The following RSL1D1 variants were observed in gnomAD, a reference collection of about 807,000 sequenced individuals.
RSL1D1 encodes ribosomal L1 domain-containing protein 1.
A neutral mutation model predicts 44.6 loss-of-function variants in RSL1D1; 34 were observed. That is an observed-to-expected ratio of 0.76 (90% CI 0.58 to 1.02). RSL1D1 has a LOEUF of 1.02. Ranked by LOEUF, RSL1D1 falls within the 50% of genes least tolerant of loss-of-function variation. The pLI is 0.00. For synonymous variants in RSL1D1, 271 were observed against 207.4 expected (o/e 1.31, Z -2.63); for missense variants, 767 against 568.1 (o/e 1.35, Z -3.56).
At chr16:11,842,090 C>T (rs2053767751) in intron 5 of RSL1D1, 90 bp from the exon 6 acceptor site, 7 of 919,500 alleles carry the variant, frequency 7.6e-6, no homozygotes, top group Non-Finnish European at 1.1e-5. Context: ...AATACATAAT[C>T]CTCAAGTTTT....
At chr16:11,845,527 T>C (rs1403194186) in intron 5 of RSL1D1, among the ~76,000 whole-genome samples, 1 of 152,182 alleles carries the variant, frequency 6.6e-6, no homozygotes, top group African/African-American at 2.4e-5. Context: ...CCCCGTCCAA[T>C]GCAGTGACCA....
chr16:11,844,460 C>T (rs779389895), intron 5 of RSL1D1, among the ~76,000 whole-genome samples: 1 of 152,184 alleles, frequency 6.6e-6, no homozygotes, highest in Non-Finnish European at 1.5e-5. Context: ...CCATGAGCCA[C>T]TACTTTGACA....
chr16:11,839,576 C>A, intron 8 of RSL1D1, 119 bp downstream of exon 8: 3 of 1,302,696 alleles, frequency 2.3e-6, no homozygotes, highest in Non-Finnish European at 3.1e-6. Context: ...TGATAACCAC[C>A]TTCACAGTTC....
intron 2 of RSL1D1, 148 bp downstream of exon 2, chr16:11,850,131 T>C (rs1049785181): frequency 7.8e-5 from 59 of 756,540 alleles, no homozygotes; most frequent in Non-Finnish European, 1.1e-4. Flanking sequence ...CAAGCCTCTA[T>C]GGTTCTTTTG....
chr16:11,839,195 G>A (rs1377483600), intron 8 of RSL1D1, among the ~76,000 whole-genome samples: 2 of 151,714 alleles, frequency 1.3e-5, no homozygotes, highest in African/African-American at 4.8e-5. Flanking sequence ...GCAAAACCCC[G>A]TCTCTACCAA....
intron 1 of RSL1D1, chr16:11,851,115 C>A: frequency 8.5e-6 from 4 of 468,308 alleles, no homozygotes; most frequent in Non-Finnish European, 1.6e-5. Flanking sequence ...CAAAACTAAG[C>A]GATTCGGTCA....
intron 2 of RSL1D1, among the ~76,000 whole-genome samples, chr16:11,849,583 G>C (rs575296818): frequency 6.6e-6 from 1 of 152,212 alleles, no homozygotes; most frequent in South Asian, 2.1e-4. Context: ...TCCATAGACA[G>C]AAATTCACTG....
intron 5 of RSL1D1, among the ~76,000 whole-genome samples, chr16:11,842,333 AAAAAAAACAAAAC>A (rs202143902): frequency 0.011 from 1,701 of 152,234 alleles, 34 homozygotes; most frequent in African/African-American, 0.038. Context: ...ACAGTCTGAA[AAAAAAAACAAAAC>A]AAAAAAACAA....
chr16:11,838,383 G>A (rs1158460503), intron 8 of RSL1D1, among the ~76,000 whole-genome samples: 4 of 151,644 alleles, frequency 2.6e-5, no homozygotes, highest in South Asian at 2.1e-4. Context: ...GGCTGGTCTC[G>A]AACTCCTGAC....
At chr16:11,850,757 G>A (rs919636432) in intron 1 of RSL1D1, among the ~76,000 whole-genome samples, 2 of 152,184 alleles carry the variant, frequency 1.3e-5, no homozygotes, top group East Asian at 3.9e-4. Flanking sequence ...AAAACGCAAA[G>A]CAAAATGCAT....
At chr16:11,839,645 C>A in intron 8 of RSL1D1, 50 bp downstream of exon 8, 1 of 1,597,680 alleles carries the variant, frequency 6.3e-7, no homozygotes, top group Non-Finnish European at 8.5e-7. Context: ...CTGCCTGACA[C>A]AGTAGCCACT....
In RSL1D1 at chr16:11,837,847, T is replaced by C. The variant is rs1388300184; in HGVS notation, c.1413A>G (p.Arg471=). The C allele has an allele frequency of 1.9e-6, 3 of 1,613,626 alleles. No homozygotes were observed. In the African/African-American group the frequency reaches 4.0e-5, roughly 22 times the overall value. ...KFFTTPSKSV[R]KASHTPKKWP... ...ATTTTTTGGGGGTGTGGGAAGCTTT[T>C]CTCACAGATTTACTAGGAGTGGTGA... Residue 471 remains arginine (R), a synonymous_variant, in exon 9 of 9, where the codon AGA becomes AGG. Transcript: ENST00000571133.
At chr16:11,842,644 G>C (rs541033271) in intron 5 of RSL1D1, among the ~76,000 whole-genome samples, 1 of 150,576 alleles carries the variant, frequency 6.6e-6, no homozygotes. Flanking sequence ...AAAGTGCTGG[G>C]ATTATACACA....
At chr16:11,840,064 G>C (rs1403972197) in intron 7 of RSL1D1, 79 bp from the exon 8 acceptor site, 1 of 1,543,382 alleles carries the variant, frequency 6.5e-7, no homozygotes, top group Non-Finnish European at 8.7e-7. Context: ...ACCACGTGCA[G>C]TTTTGATTAT....
chr16:11,846,861 G>T lies in RSL1D1; in HGVS notation c.385-18C>A. Reference sequence around the variant, plus strand: ...GAGATAATCTAGGAAGTATAGAGAAGAATAAAAACAAGAAGTTAGGAATCT... The same window carrying T: ...GAGATAATCTAGGAAGTATAGAGAATAATAAAAACAAGAAGTTAGGAATCT... On this transcript the variant is annotated intron_variant, in intron 3 of 8. Transcript: ENST00000571133. 6.4e-7 allele frequency: 1 copy of T among 1,570,040 alleles called. No individual in the cohort carries two copies.
intron 5 of RSL1D1, among the ~76,000 whole-genome samples, chr16:11,845,651 A>C (rs1038586960): frequency 1.3e-5 from 2 of 152,188 alleles, no homozygotes; most frequent in East Asian, 1.9e-4. Flanking sequence ...ACTGTATGAG[A>C]CAGCACAGAT....
chr16:11,839,349 G>A (rs1241888128), intron 8 of RSL1D1, among the ~76,000 whole-genome samples: 1 of 144,404 alleles, frequency 6.9e-6, no homozygotes, highest in African/African-American at 2.6e-5. Context: ...CTGGGTGACA[G>A]AGTGAGACTC....
chr16:11,849,960 TGA>T (rs1477616939), intron 2 of RSL1D1, among the ~76,000 whole-genome samples: 1 of 152,168 alleles, frequency 6.6e-6, no homozygotes, highest in African/African-American at 2.4e-5. Context: ...CCCGAGTAGC[TGA>T]GATTACAGGC....
At chr16:11,850,187 A>G in intron 2 of RSL1D1, 92 bp downstream of exon 2, 1 of 1,277,628 alleles carries the variant, frequency 7.8e-7, no homozygotes, top group Non-Finnish European at 1.1e-6. Context: ...ATAAGTTTGC[A>G]AAGTTTCCAT....
Sources: allele counts gnomAD v4.1 joint callset (sites outside exome capture counted in the v4.1 genomes callset), GRCh38; gene constraint gnomAD v4.1.1; transcripts MANE v1.5; gene names NCBI Gene and HGNC (gene_info 2026-07-23, HGNC 2026-07-21).